Variants in LRRC4C observed in about 807,000 individuals in gnomAD.
LRRC4C encodes the protein leucine rich repeat containing 4C, also known as leucine-rich repeat-containing protein 4C.
Under a neutral mutation model 33.6 loss-of-function variants are expected in LRRC4C, and 5 were observed. The ratio of observed to expected loss-of-function variants is 0.15; its 90% CI spans 0.08 to 0.31. The LOEUF (loss-of-function observed/expected upper bound fraction) is 0.31. Ranked by LOEUF, LRRC4C falls within the 10% of genes least tolerant of loss-of-function variation. The pLI is 1.00. For missense variants in LRRC4C, 560 were observed against 796.7 expected (o/e 0.70, Z 3.58); for synonymous variants, 329 against 302.0 (o/e 1.09, Z -0.93).
At chr11:40,570,251 A>G (rs866774249) in intron 3 of LRRC4C, among the ~76,000 whole-genome samples, 10 of 152,142 alleles carry the variant, frequency 6.6e-5, no homozygotes, top group Non-Finnish European at 1.5e-4. Context: ...TATATTTTAC[A>G]CACACCACTT....
intron 1 of LRRC4C, among the ~76,000 whole-genome samples, chr11:41,210,369 T>C (rs536676141): frequency 6.6e-6 from 1 of 152,298 alleles, no homozygotes; most frequent in South Asian, 2.1e-4. Flanking sequence ...CGAGATCTGA[T>C]GGTTTTACAA....
intron 4 of LRRC4C, among the ~76,000 whole-genome samples, chr11:40,283,096 GT>G (rs1555003389): frequency 6.6e-6 from 1 of 152,166 alleles, no homozygotes; most frequent in Non-Finnish European, 1.5e-5. Flanking sequence ...CTTGATTTTT[GT>G]GACCAGCAGA....
intron 6 of LRRC4C, among the ~76,000 whole-genome samples, chr11:40,117,857 ATT>A (rs2134615299): frequency 6.6e-6 from 1 of 152,152 alleles, no homozygotes; most frequent in South Asian, 2.1e-4. Context: ...AGATATTAAT[ATT>A]ATATATCACA....
chr11:40,663,474 G>A (rs1304247484), intron 2 of LRRC4C, among the ~76,000 whole-genome samples: 2 of 152,146 alleles, frequency 1.3e-5, no homozygotes, highest in Non-Finnish European at 2.9e-5. Flanking sequence ...GACTAACCTA[G>A]ACACATTTTC....
At chr11:40,137,682 C>T (rs1360796865) in intron 6 of LRRC4C, among the ~76,000 whole-genome samples, 1 of 151,928 alleles carries the variant, frequency 6.6e-6, no homozygotes, top group Non-Finnish European at 1.5e-5. Flanking sequence ...TAAAAAGGAC[C>T]CTGGGGAATT....
At chr11:40,481,684 C>T (rs964605680) in intron 3 of LRRC4C, among the ~76,000 whole-genome samples, 1 of 152,034 alleles carries the variant, frequency 6.6e-6, no homozygotes, top group African/African-American at 2.4e-5. Flanking sequence ...GGAATGTATC[C>T]TCTATGATAA....
Position 40,438,926 on chromosome 11 carries a change from C to CTTTTTTTTTT in LRRC4C, c.-269-119215_-269-119206dup, listed in dbSNP as rs869144067. Among the ~76,000 whole-genome samples the CTTTTTTTTTT allele has an allele frequency of 1.9e-5, 2 of 106,902 alleles. 1 individual carries two copies. The highest frequency in any genetic ancestry group is 3.7e-5 in the Non-Finnish European group (2 of 54,434). The allele number at this position is 106,902 out of a possible 152,430, so 70.1% of individuals were successfully genotyped here. ...TACAGGGTTAATTTATGAATTGCTA[C>CTTTTTTTTTT]TTTTTTTTTTTTTTTTTTTTTTGAG... On this transcript the variant is annotated intron_variant, in intron 3 of 6. Coordinates refer to ENST00000528697, the MANE Select transcript of LRRC4C (RefSeq NM_001258419.2).
rs1485379460 is a variant in LRRC4C at position 40,289,831 on chromosome 11, T to G, written c.-176+29797A>C. On this transcript the variant is annotated intron_variant, in intron 4 of 6. Transcript: ENST00000528697. ...GCCCCATTAACTCCAGATTTGCAAA[T>G]GTTTAAGTGGAGGGGATGGGAGGAC... Among the ~76,000 whole-genome samples the G allele has an allele frequency of 6.6e-5, 10 of 152,130 alleles. No individual in the cohort carries two copies. In the East Asian group the frequency reaches 1.9e-3, roughly 29 times the overall value.
At chr11:40,761,058 C>G (rs1348048697) in intron 2 of LRRC4C, among the ~76,000 whole-genome samples, 2 of 151,620 alleles carry the variant, frequency 1.3e-5, no homozygotes, top group Admixed American at 1.3e-4. Flanking sequence ...CACATCTAAA[C>G]CCATAGCCCA....
chr11:40,255,858 G>C (rs1435838254), intron 4 of LRRC4C, among the ~76,000 whole-genome samples: 1 of 152,162 alleles, frequency 6.6e-6, no homozygotes, highest in Non-Finnish European at 1.5e-5. Context: ...AGACAACTAA[G>C]TCTTTAAAAA....
chr11:40,270,611 T>A (rs1182538097), intron 4 of LRRC4C, among the ~76,000 whole-genome samples: 1 of 152,076 alleles, frequency 6.6e-6, no homozygotes, highest in Admixed American at 6.6e-5. Flanking sequence ...CAGAAAATTA[T>A]CCTCTTCTAT....
At chr11:41,289,605 G>C (rs1949935455) in intron 1 of LRRC4C, among the ~76,000 whole-genome samples, 2 of 152,186 alleles carry the variant, frequency 1.3e-5, no homozygotes, top group Non-Finnish European at 2.9e-5. Context: ...AGTACACAGT[G>C]AGAAGCAGGC....
At chr11:41,399,729 C>A (rs2138090839) in intron 1 of LRRC4C, among the ~76,000 whole-genome samples, 1 of 151,966 alleles carries the variant, frequency 6.6e-6, no homozygotes, top group South Asian at 2.1e-4. Flanking sequence ...ATGGTATCTG[C>A]CAATTTGATG....
intron 1 of LRRC4C, among the ~76,000 whole-genome samples, chr11:40,974,951 T>G (rs1851980194): frequency 6.6e-6 from 1 of 152,132 alleles, no homozygotes; most frequent in African/African-American, 2.4e-5. Context: ...GACTGAGAAT[T>G]ACAACATCAG....
At chr11:41,271,815 T>A (rs1949330258) in intron 1 of LRRC4C, among the ~76,000 whole-genome samples, 1 of 152,116 alleles carries the variant, frequency 6.6e-6, no homozygotes, top group Non-Finnish European at 1.5e-5. Flanking sequence ...AATGAAAGCA[T>A]AGCATCATCA....
intron 1 of LRRC4C, among the ~76,000 whole-genome samples, chr11:40,982,821 C>G (rs958619590): frequency 4.6e-5 from 7 of 152,134 alleles, no homozygotes; most frequent in Admixed American, 4.6e-4. Context: ...TCTTCCTCCT[C>G]CTACCCTCTG....
chr11:40,170,940 G>T (rs1277759952), intron 5 of LRRC4C, among the ~76,000 whole-genome samples: 2 of 152,188 alleles, frequency 1.3e-5, no homozygotes, highest in African/African-American at 4.8e-5. Flanking sequence ...AATTCTACCA[G>T]TGTTTAAGAT....
At chr11:40,315,910 T>C (rs1434997057) in intron 4 of LRRC4C, among the ~76,000 whole-genome samples, 3 of 152,026 alleles carry the variant, frequency 2.0e-5, no homozygotes, top group African/African-American at 7.2e-5. Context: ...AGGCATCCCA[T>C]AGAGCTTACA....
intron 1 of LRRC4C, among the ~76,000 whole-genome samples, chr11:41,031,041 A>C (rs1245877336): frequency 1.3e-5 from 2 of 151,928 alleles, no homozygotes; most frequent in South Asian, 2.1e-4. Flanking sequence ...TAAATTACCA[A>C]TGCAGAACTT....
Sources: gnomAD v4.1 joint callset for allele counts (sites outside exome capture counted in the v4.1 genomes callset) on GRCh38, gnomAD v4.1.1 for gene constraint, MANE v1.5 for transcripts, NCBI Gene and HGNC (gene_info 2026-07-23, HGNC 2026-07-21) for gene names.